HADH: variants seen among roughly 807,000 people sequenced by gnomAD.
The protein encoded by HADH is hydroxyacyl-CoA dehydrogenase.
In HADH, 24 loss-of-function variants were observed where a neutral mutation model predicts 32.2. That is an observed-to-expected ratio of 0.75 (90% CI 0.54 to 1.05). HADH has a LOEUF of 1.05. Among genes scored for constraint, HADH ranks in the 50% least tolerant of loss-of-function variants. The probability of loss-of-function intolerance (pLI) is 0.00; values close to 1 mark genes in which losing one functional copy is unlikely to be tolerated. For synonymous variants in HADH, 139 were observed against 152.5 expected (o/e 0.91, Z 0.65); for missense variants, 350 against 397.1 (o/e 0.88, Z 1.01).
At chr4:108,031,067 T>G (rs1288383096) in intron 6 of HADH, 1 of 152,254 alleles carries the variant, frequency 6.6e-6, no homozygotes, top group African/African-American at 2.4e-5. Flanking sequence ...AATATAGATT[T>G]CATTAAATGG....
rs568830015 is a variant in HADH at position 108,014,462 on chromosome 4, G to T, written c.293G>T (p.Ser98Ile). 1.2e-6 allele frequency: 2 copies of T among 1,614,120 alleles called. No individual in the cohort carries two copies. Among genetic ancestry groups the T allele is most frequent in the East Asian group, 4.5e-5 (2 of 44,874 alleles). Residue 98 changes from serine to isoleucine, a missense_variant, in exon 3 of 8, where the codon AGC (serine) becomes ATC (isoleucine). By Grantham distance (142) the Ser-to-Ile change is moderately radical. Transcript: ENST00000309522. ...GATGAATTTGTGGAGAAGACCCTGA[G>T]CACCATAGCGACCAGCACGGATGCA... is the stretch of plus-strand genomic sequence containing the variant. The part of the protein sequence containing the change: ...AGDEFVEKTL[S>I]TIATSTDAAS...
intron 2 of HADH, among the ~76,000 whole-genome samples, chr4:108,013,129 C>T (rs1187309918): frequency 6.6e-6 from 1 of 152,220 alleles, no homozygotes; most frequent in Non-Finnish European, 1.5e-5. Context: ...GACGGGGTTT[C>T]ACCATGTTAT....
chr4:108,012,845 T>G (rs1315991237), intron 2 of HADH, among the ~76,000 whole-genome samples: 1 of 152,264 alleles, frequency 6.6e-6, no homozygotes, highest in Admixed American at 6.5e-5. Context: ...AAGTTACTAT[T>G]TATTCTTAAT....
At position 108,009,895 on chromosome 4, in the gene HADH, C is replaced by T. The variant is rs61675178; in HGVS notation, c.261+8C>T. The T allele has an allele frequency of 1.9e-6, 3 of 1,591,346 alleles. No individual in the cohort carries two copies. The highest frequency in any genetic ancestry group is 2.6e-6 in the Non-Finnish European group (3 of 1,160,936). ...TTTGCAGAAAACCTTAAGGTAATTT[C>T]TTATTATCGATGTCTTCAAGACAAG... On this transcript the variant is annotated splice_region_variant and intron_variant, in intron 2 of 7. Transcript: ENST00000309522.
At chr4:108,031,771 T>A in intron 6 of HADH, 1 of 152,272 alleles carries the variant, frequency 6.6e-6, no homozygotes, top group East Asian at 1.9e-4. Context: ...ATGTCATGAG[T>A]ACCTTGAGTG....
At chr4:108,024,356 TCTA>T (rs1365688516) in intron 5 of HADH, 1 of 152,216 alleles carries the variant, frequency 6.6e-6, no homozygotes, top group African/African-American at 2.4e-5. Context: ...ATATAAGTCA[TCTA>T]CTTTTTTTTT....
At chr4:108,029,942 G>C (rs1163144753) in intron 6 of HADH, 2 of 152,368 alleles carry the variant, frequency 1.3e-5, no homozygotes, top group African/African-American at 4.8e-5. Context: ...TGGATAGGCT[G>C]TGTCTGACAG....
At chr4:108,000,594 C>T (rs891332336) in intron 1 of HADH, among the ~76,000 whole-genome samples, 71 of 152,124 alleles carry the variant, frequency 4.7e-4, no homozygotes, top group African/African-American at 1.7e-3. Flanking sequence ...AATTCCTGCA[C>T]AAAAGATCTG....
chr4:108,007,019 G>A (rs1428362467), intron 1 of HADH, among the ~76,000 whole-genome samples: 1 of 152,128 alleles, frequency 6.6e-6, no homozygotes, highest in Non-Finnish European at 1.5e-5. Context: ...TATGAACCCG[G>A]CACATAGTAG....
Position 108,034,396 on chromosome 4 carries a change from C to T in HADH, c.*39C>T, listed in dbSNP as rs777124537. The stretch of plus-strand genomic sequence containing the variant: ...CGGCTCTGAGAAGAACACCTGAGAG[C>T]GCTTTCCAGCCAGTGCCCCGAGTGC... On this transcript the variant is annotated 3_prime_UTR_variant, in exon 8 of 8. Coordinates refer to ENST00000309522, the MANE Select transcript of HADH (RefSeq NM_005327.7). 2.8e-5 allele frequency: 34 copies of T among 1,211,274 alleles called. No individual in the cohort carries two copies. The highest frequency in any genetic ancestry group is 5.0e-5 in the Admixed American group (3 of 59,474). 75.0% of individuals were successfully genotyped at this position (1,211,274 alleles called of 1,614,324 possible). A position where few individuals can be genotyped will look rare whatever the true frequency, so the allele number is the denominator to read the frequency against.
intron 6 of HADH, 190 bp downstream of exon 6, chr4:108,027,950 T>G: frequency 1.6e-6 from 1 of 632,976 alleles, no homozygotes; most frequent in South Asian, 1.8e-5. Flanking sequence ...GCCTCCTGGC[T>G]TCCCTGTGGG....
At position 108,032,253 on chromosome 4, in the gene HADH, C is replaced by T. The variant is rs1736291811; in HGVS notation, c.710-923C>T. On this transcript the variant is annotated intron_variant, in intron 6 of 7. Transcript: ENST00000309522. ...GGGAACAGATTGTTCTCCATAAAGG[C>T]CTCTTGGGGCCAAAGGACATAGTAA... The T allele has an allele frequency of 1.5e-5, 13 of 845,488 alleles. No individual in the cohort carries two copies. The South Asian group carries it at 2.0e-4, about 13-fold the overall frequency. 52.4% of individuals were successfully genotyped at this position (845,488 alleles called of 1,614,324 possible). A position where few individuals can be genotyped will look rare whatever the true frequency, so the allele number is the denominator to read the frequency against.
chr4:108,015,416 A>C (rs554173148), intron 3 of HADH, among the ~76,000 whole-genome samples: 13 of 152,246 alleles, frequency 8.5e-5, no homozygotes, highest in Admixed American at 3.3e-4. Context: ...TTTATTGACC[A>C]CTAGTGTGTC....
chr4:107,990,391 T>C (rs762721873), intron 1 of HADH, among the ~76,000 whole-genome samples: 6 of 152,232 alleles, frequency 3.9e-5, no homozygotes, highest in Non-Finnish European at 1.5e-5. Context: ...GAATTGTATG[T>C]GCACAAGGTT....
intron 6 of HADH, chr4:108,032,372 TA>T (rs1337728579): frequency 1.9e-6 from 3 of 1,596,006 alleles, no homozygotes; most frequent in African/African-American, 1.3e-5. Context: ...GGCTTTTCTT[TA>T]AAAGGTATCT....
intron 1 of HADH, among the ~76,000 whole-genome samples, chr4:108,000,758 C>T (rs554677153): frequency 2.6e-5 from 4 of 152,296 alleles, no homozygotes; most frequent in African/African-American, 9.6e-5. Context: ...ACATGTATGG[C>T]AGAGGAAACC....
intron 6 of HADH, chr4:108,031,238 T>G (rs1736251579): frequency 6.6e-6 from 1 of 152,294 alleles, no homozygotes; most frequent in African/African-American, 2.4e-5. Context: ...CCTGGCCTTT[T>G]CTTTAGTGCA....
intron 1 of HADH, chr4:108,004,688 T>G (rs139121487): frequency 1.3e-6 from 2 of 1,523,704 alleles, no homozygotes; most frequent in Admixed American, 2.0e-5. Flanking sequence ...TCAGCAGCAA[T>G]GAGGGATAAT....
At chr4:108,033,875 T>G (rs1330708940) in intron 7 of HADH, among the ~76,000 whole-genome samples, 1 of 152,256 alleles carries the variant, frequency 6.6e-6, no homozygotes, top group Non-Finnish European at 1.5e-5. Flanking sequence ...ATGCAGATTT[T>G]TTAACGTGTA....
Sources: allele counts gnomAD v4.1 joint callset (sites outside exome capture counted in the v4.1 genomes callset), GRCh38; gene constraint gnomAD v4.1.1; transcripts MANE v1.5; gene names NCBI Gene and HGNC (gene_info 2026-07-23, HGNC 2026-07-21).